MATCAP2: variants seen among roughly 807,000 people sequenced by gnomAD.
MATCAP2 encodes microtubule associated tyrosine carboxypeptidase 2.
At chr7:36,389,855 A>G in the MATCAP2 span, 4 of 1,219,128 alleles carry the variant, frequency 3.3e-6, no homozygotes, top group Non-Finnish European at 4.7e-6. Flanking sequence ...GAACGGCTGC[A>G]GAGGCCGAGT....
At chr7:36,326,132 G>A in the MATCAP2 span, 5 of 151,722 alleles carry the variant, frequency 3.3e-5, no homozygotes, top group South Asian at 2.1e-4. Context: ...AGAGATAACC[G>A]GACAAAAAGA....
the MATCAP2 span, among the ~76,000 whole-genome samples, chr7:36,386,729 C>T: frequency 6.6e-6 from 1 of 152,108 alleles, no homozygotes; most frequent in African/African-American, 2.4e-5. Flanking sequence ...TGTTCACCTT[C>T]ACTAGTGATA....
the MATCAP2 span, among the ~76,000 whole-genome samples, chr7:36,350,890 G>C: frequency 1.3e-5 from 2 of 152,082 alleles, no homozygotes; most frequent in Non-Finnish European, 2.9e-5. Flanking sequence ...ACAGATACTG[G>C]TTCCAAACTG....
At chr7:36,357,462 T>C in the MATCAP2 span, 3 of 1,614,190 alleles carry the variant, frequency 1.9e-6, no homozygotes, top group South Asian at 1.1e-5. Flanking sequence ...CTGGTTCCAG[T>C]TGTGAAAATG....
chr7:36,334,088 C>T, the MATCAP2 span: 2 of 1,614,142 alleles, frequency 1.2e-6, no homozygotes, highest in Non-Finnish European at 8.5e-7. Context: ...TTGGCTTTAG[C>T]TCATGTTTTT....
At chr7:36,357,095 A>C in the MATCAP2 span, 1 of 1,614,230 alleles carries the variant, frequency 6.2e-7, no homozygotes, top group Non-Finnish European at 8.5e-7. Flanking sequence ...TCCCTTTTCA[A>C]AGCTTCTAGA....
At chr7:36,343,418 G>T in the MATCAP2 span, among the ~76,000 whole-genome samples, 1 of 4,852 alleles carries the variant, frequency 2.1e-4, no homozygotes, top group African/African-American at 9.2e-4. Context: ...AAGGGTGGGG[G>T]GAGAGGAGGG....
the MATCAP2 span, among the ~76,000 whole-genome samples, chr7:36,385,850 AATAAG>A: frequency 1.5e-3 from 214 of 147,054 alleles, 4 homozygotes; most frequent in Middle Eastern, 6.9e-3. Context: ...AATAAAATAA[AATAAG>A]ATAAAGAAAG....
At chr7:36,338,867 T>C in the MATCAP2 span, among the ~76,000 whole-genome samples, 6 of 152,368 alleles carry the variant, frequency 3.9e-5, no homozygotes, top group African/African-American at 1.4e-4. Flanking sequence ...TGATTCCAGG[T>C]TTTCAGATAA....
At chr7:36,356,988 A>C in the MATCAP2 span, 1 of 1,614,150 alleles carries the variant, frequency 6.2e-7, no homozygotes, top group Non-Finnish European at 8.5e-7. Context: ...TGAGGATTGT[A>C]GGTATAGTCA....
chr7:36,385,099 A>G, the MATCAP2 span, among the ~76,000 whole-genome samples: 1 of 152,218 alleles, frequency 6.6e-6, no homozygotes, highest in Non-Finnish European at 1.5e-5. Flanking sequence ...AAGATCAGCA[A>G]CAACAAAGAT....
chr7:36,359,089 A>G, the MATCAP2 span, among the ~76,000 whole-genome samples: 1 of 152,358 alleles, frequency 6.6e-6, no homozygotes, highest in South Asian at 2.1e-4. Flanking sequence ...CATTCTGAAT[A>G]AATATGTACT....
At chr7:36,325,684 G>A in the MATCAP2 span, 1 of 152,102 alleles carries the variant, frequency 6.6e-6, no homozygotes, top group Non-Finnish European at 1.5e-5. Flanking sequence ...TGAAGCTGAT[G>A]ATAAAATACA....
chr7:36,346,087 C>T, the MATCAP2 span, among the ~76,000 whole-genome samples: 1 of 151,838 alleles, frequency 6.6e-6, no homozygotes, highest in African/African-American at 2.4e-5. Context: ...AAATCAAAAG[C>T]ACAATGAGAT....
At chr7:36,334,570 A>G in the MATCAP2 span, among the ~76,000 whole-genome samples, 1 of 149,874 alleles carries the variant, frequency 6.7e-6, no homozygotes, top group East Asian at 1.9e-4. Context: ...AAAAAATTCT[A>G]AAGCCAAATT....
At chr7:36,379,837 C>CAGAG in the MATCAP2 span, among the ~76,000 whole-genome samples, 30 of 131,306 alleles carry the variant, frequency 2.3e-4, no homozygotes, top group Admixed American at 3.3e-4. Flanking sequence ...CACACACACA[C>CAGAG]ACACACACAC....
chr7:36,339,840 TA>T, the MATCAP2 span, among the ~76,000 whole-genome samples: 3 of 152,058 alleles, frequency 2.0e-5, no homozygotes, highest in South Asian at 2.1e-4. Flanking sequence ...TGCTTATAGA[TA>T]TTTTTTTTAT....
the MATCAP2 span, chr7:36,367,224 G>T: frequency 8.7e-7 from 1 of 1,144,274 alleles, no homozygotes; most frequent in Non-Finnish European, 1.1e-6. Context: ...TAGCCGCTCC[G>T]CCGGTTGCTA....
the MATCAP2 span, among the ~76,000 whole-genome samples, chr7:36,351,721 T>C: frequency 1.3e-5 from 2 of 151,942 alleles, no homozygotes; most frequent in East Asian, 1.9e-4. Context: ...CCGAGGCAGG[T>C]GGACTGCATG....
Sources: gnomAD v4.1 joint callset for allele counts (sites outside exome capture counted in the v4.1 genomes callset) on GRCh38, gnomAD v4.1.1 for gene constraint, MANE v1.5 for transcripts, NCBI Gene and HGNC (gene_info 2026-07-23, HGNC 2026-07-21) for gene names.